PMFBP1: variants seen among roughly 807,000 people sequenced by gnomAD.
PMFBP1 encodes the protein polyamine modulated factor 1 binding protein 1.
A neutral mutation model predicts 137.8 loss-of-function variants in PMFBP1; 131 were observed. The observed-to-expected ratio is 0.95, with a 90% CI of 0.82 to 1.10. The LOEUF is 1.10. PMFBP1 is among the 50% of genes least tolerant of loss of function. The pLI is 0.00. For synonymous variants in PMFBP1, 490 were observed against 450.4 expected, an observed-to-expected ratio of 1.09 and a Z score of -1.11; for missense variants, 1,199 against 1,175.4, an observed-to-expected ratio of 1.02 and a Z score of -0.29.
chr16:72,123,439 G>A, intron 18 of PMFBP1, 107 bp downstream of exon 18: 1 of 927,342 alleles, frequency 1.1e-6, no homozygotes, highest in Non-Finnish European at 1.7e-6. Context: ...GACTGGATCT[G>A]TTTTCCAGGA....
At chr16:72,233,642 A>G in the PMFBP1 span, among the ~76,000 whole-genome samples, 1 of 152,164 alleles carries the variant, frequency 6.6e-6, no homozygotes, top group Non-Finnish European at 1.5e-5. Context: ...CATGTACACA[A>G]CGTGTACAGA....
At chr16:72,157,251 T>C (rs955665837) in intron 3 of PMFBP1, among the ~76,000 whole-genome samples, 12 of 140,964 alleles carry the variant, frequency 8.5e-5, no homozygotes, top group Non-Finnish European at 1.7e-4. Flanking sequence ...GCATCTAATA[T>C]GGGGAGAGCG....
chr16:72,192,990 C>T, the PMFBP1 span, among the ~76,000 whole-genome samples: 19 of 151,536 alleles, frequency 1.3e-4, no homozygotes, highest in East Asian at 1.9e-4. Context: ...AGAATGTGCA[C>T]GTTATATTGA....
Position 72,126,062 on chromosome 16 carries a change from T to C in PMFBP1, c.2159A>G (p.His720Arg), listed in dbSNP as rs2042451973. Residue 720 changes from histidine (H) to arginine (R), a missense_variant, in exon 15 of 21, where the codon CAC becomes CGC. His to Arg is a conservative substitution (Grantham distance 29). Coordinates refer to ENST00000237353, the MANE Select transcript of PMFBP1 (RefSeq NM_031293.3). The part of the protein sequence containing the change: ...QLDKALQKEK[H>R]YLQTTITKEA... Reference sequence around the variant, plus strand: ...TTTGGTGATGGTAGTCTGGAGATAGTGCTTCTCCTTCTGCAGAGCTTTGTC... The same window carrying C: ...TTTGGTGATGGTAGTCTGGAGATAGCGCTTCTCCTTCTGCAGAGCTTTGTC... 2 of 1,614,074 alleles carry C rather than the reference T, an allele frequency of 1.2e-6. No homozygotes were observed. The highest frequency in any genetic ancestry group is 2.7e-5 in the African/African-American group (2 of 74,924).
downstream of PMFBP1, chr16:72,119,047 G>A: frequency 2.8e-6 from 1 of 356,426 alleles, no homozygotes; most frequent in Non-Finnish European, 5.0e-6. Context: ...GTTGCTGGGG[G>A]ATTGCGGGGC....
At chr16:72,199,680 G>A in the PMFBP1 span, among the ~76,000 whole-genome samples, 44 of 151,466 alleles carry the variant, frequency 2.9e-4, no homozygotes, top group Non-Finnish European at 5.9e-5. Context: ...AAAAGTGTAG[G>A]GAGATTATTG....
At chr16:72,218,333 A>C in the PMFBP1 span, among the ~76,000 whole-genome samples, 6 of 152,258 alleles carry the variant, frequency 3.9e-5, no homozygotes, top group African/African-American at 1.4e-4. Context: ...CTTAATACTT[A>C]AACTTTTTTT....
intron 16 of PMFBP1, 50 bp from the exon 17 acceptor site, chr16:72,124,984 C>T (rs780471498): frequency 5.0e-6 from 8 of 1,596,442 alleles, no homozygotes; most frequent in South Asian, 1.1e-5. Context: ...GCCTCCCTGA[C>T]CGCAGGACCC....
At chr16:72,234,953 A>C in the PMFBP1 span, among the ~76,000 whole-genome samples, 1 of 152,184 alleles carries the variant, frequency 6.6e-6, no homozygotes, top group Non-Finnish European at 1.5e-5. Flanking sequence ...GTTATTTATC[A>C]GATAGATTAT....
chr16:72,228,014 GT>G, the PMFBP1 span, among the ~76,000 whole-genome samples: 1 of 152,122 alleles, frequency 6.6e-6, no homozygotes, highest in African/African-American at 2.4e-5. Flanking sequence ...CCTGAAATAT[GT>G]ATCTGTTATG....
intron 3 of PMFBP1, among the ~76,000 whole-genome samples, chr16:72,158,829 T>C (rs1329407924): frequency 2.0e-5 from 3 of 151,798 alleles, no homozygotes; most frequent in Non-Finnish European, 4.4e-5. Flanking sequence ...CCACCATCTT[T>C]ATAAAAAGTA....
chr16:72,150,880 G>A (rs1375555412), intron 4 of PMFBP1, 51 bp from the exon 5 acceptor site: 1 of 1,499,750 alleles, frequency 6.7e-7, no homozygotes, highest in Non-Finnish European at 9.2e-7. Context: ...CACGTAATGA[G>A]GAAAGGATGC....
rs979153905 is a variant in PMFBP1 at position 72,132,666 on chromosome 16, C to G, written c.1447+82G>C. 3.2e-6 allele frequency: 5 copies of G among 1,584,474 alleles called. No individual in the cohort carries two copies. The Admixed American group carries it at 8.7e-5, about 28-fold the overall frequency. ...GGAGGAGGGCGAGGGGAAGTGGCCA[C>G]TGGGAGAGAGAAGGTGGCTGCTCTA... is the stretch of plus-strand genomic sequence containing the variant. On this transcript the variant is annotated intron_variant, in intron 10 of 20. Coordinates refer to ENST00000237353, the MANE Select transcript of PMFBP1 (RefSeq NM_031293.3).
chr16:72,204,723 G>C, the PMFBP1 span, among the ~76,000 whole-genome samples: 6 of 152,030 alleles, frequency 3.9e-5, 1 homozygote, highest in South Asian at 1.2e-3. Flanking sequence ...TTTCCTCCAC[G>C]TGGATTTTGG....
intron 9 of PMFBP1, among the ~76,000 whole-genome samples, chr16:72,135,359 G>GTT (rs869071984): frequency 5.8e-4 from 76 of 131,482 alleles, no homozygotes; most frequent in South Asian, 2.2e-3. Flanking sequence ...GTGTGTGTGT[G>GTT]TTTTTTTTTT....
the PMFBP1 span, among the ~76,000 whole-genome samples, chr16:72,248,335 T>C: frequency 6.6e-6 from 1 of 152,178 alleles, no homozygotes; most frequent in Non-Finnish European, 1.5e-5. Context: ...AATTGAACAA[T>C]TATCCTAAGA....
the PMFBP1 span, among the ~76,000 whole-genome samples, chr16:72,244,485 C>T: frequency 1.3e-5 from 2 of 152,198 alleles, no homozygotes; most frequent in Admixed American, 1.3e-4. Flanking sequence ...TTCTTCTCCC[C>T]TCTCCCTGCT....
chr16:72,194,054 A>G, the PMFBP1 span, among the ~76,000 whole-genome samples: 1 of 150,040 alleles, frequency 6.7e-6, no homozygotes, highest in African/African-American at 2.5e-5. Context: ...GATCTCTTGG[A>G]GCCTTTGAAA....
Position 72,134,425 on chromosome 16 carries a change from C to T in PMFBP1, c.1204-1434G>A, listed in dbSNP as rs1051569964. On this transcript the variant is annotated intron_variant, in intron 9 of 20. Transcript: ENST00000237353. ...TCTCAGACTCCTGGGCTCAAGTGAT[C>T]CTCCTACCTTGGCCTCCCAAAGTTC... is the stretch of plus-strand genomic sequence containing the variant. 3.9e-5 allele frequency among the ~76,000 whole-genome samples: 6 copies of T among 152,284 alleles called. No individual in the cohort carries two copies. In the East Asian group the frequency reaches 9.7e-4, roughly 25 times the overall value.
Sources: allele counts gnomAD v4.1 joint callset (sites outside exome capture counted in the v4.1 genomes callset), GRCh38; gene constraint gnomAD v4.1.1; transcripts MANE v1.5; gene names NCBI Gene and HGNC (gene_info 2026-07-23, HGNC 2026-07-21).